ABTB3: variants seen among roughly 807,000 people sequenced by gnomAD.
ABTB3 encodes the protein ankyrin repeat- and BTB/POZ domain-containing protein 3.
At chr12:107,375,457 TC>T in the ABTB3 span, among the ~76,000 whole-genome samples, 1 of 151,516 alleles carries the variant, frequency 6.6e-6, no homozygotes, top group African/African-American at 2.4e-5. Flanking sequence ...ATCATCATCA[TC>T]ATCATCATAA....
At chr12:107,430,722 A>G in the ABTB3 span, among the ~76,000 whole-genome samples, 1 of 152,356 alleles carries the variant, frequency 6.6e-6, no homozygotes, top group African/African-American at 2.4e-5. Context: ...ACCAGTAAGT[A>G]TGATGTTGAT....
chr12:107,395,344 G>C, the ABTB3 span, among the ~76,000 whole-genome samples: 1 of 152,116 alleles, frequency 6.6e-6, no homozygotes, highest in Non-Finnish European at 1.5e-5. Flanking sequence ...TGGTAACAGT[G>C]GGTGCAGCCT....
chr12:107,450,771 C>T, the ABTB3 span, among the ~76,000 whole-genome samples: 1 of 152,064 alleles, frequency 6.6e-6, no homozygotes, highest in South Asian at 2.1e-4. Flanking sequence ...AACTTCAGCC[C>T]CTGCTTTGGG....
the ABTB3 span, among the ~76,000 whole-genome samples, chr12:107,416,240 A>G: frequency 6.6e-6 from 1 of 152,136 alleles, no homozygotes; most frequent in African/African-American, 2.4e-5. Context: ...TCCTTGTGCA[A>G]TTTTGAAGCA....
At chr12:107,345,986 T>C in the ABTB3 span, among the ~76,000 whole-genome samples, 1 of 152,216 alleles carries the variant, frequency 6.6e-6, no homozygotes, top group African/African-American at 2.4e-5. Flanking sequence ...TTTAGCCTTG[T>C]TGCACCAGTG....
the ABTB3 span, among the ~76,000 whole-genome samples, chr12:107,353,248 C>T: frequency 6.6e-6 from 1 of 150,986 alleles, no homozygotes; most frequent in Non-Finnish European, 1.5e-5. Context: ...GGCTCTGAGC[C>T]CAGCATGGTG....
At chr12:107,629,121 T>G in the ABTB3 span, among the ~76,000 whole-genome samples, 50 of 152,236 alleles carry the variant, frequency 3.3e-4, 4 homozygotes, top group South Asian at 7.3e-3. Flanking sequence ...ACTATGCTAT[T>G]AAGAATTTTG....
chr12:107,398,137 A>G, the ABTB3 span, among the ~76,000 whole-genome samples: 2 of 151,992 alleles, frequency 1.3e-5, no homozygotes, highest in Admixed American at 6.6e-5. Context: ...CAGCCTGGCC[A>G]CCTTGCACAG....
the ABTB3 span, among the ~76,000 whole-genome samples, chr12:107,600,102 G>A: frequency 6.6e-6 from 1 of 152,158 alleles, no homozygotes; most frequent in Admixed American, 6.5e-5. Flanking sequence ...ACTCCTCTGA[G>A]TCTCTGTTTC....
the ABTB3 span, among the ~76,000 whole-genome samples, chr12:107,360,916 G>T: frequency 7.8e-6 from 1 of 128,274 alleles, no homozygotes; most frequent in African/African-American, 3.0e-5. Context: ...ACCATGCCCA[G>T]CTAATTTAAT....
chr12:107,359,398 C>T, the ABTB3 span, among the ~76,000 whole-genome samples: 2 of 152,314 alleles, frequency 1.3e-5, no homozygotes, highest in Admixed American at 6.5e-5. Context: ...TGCTCCCTTT[C>T]CAGTCTTGCC....
the ABTB3 span, chr12:107,635,408 G>T: frequency 6.2e-7 from 1 of 1,605,422 alleles, no homozygotes; most frequent in Non-Finnish European, 8.5e-7. Context: ...GTTCCCCCAG[G>T]CCTGTGTTGG....
the ABTB3 span, among the ~76,000 whole-genome samples, chr12:107,350,478 A>C: frequency 6.6e-6 from 1 of 151,800 alleles, no homozygotes; most frequent in African/African-American, 2.4e-5. Flanking sequence ...GCATGAACCC[A>C]GGAGGCGGAG....
the ABTB3 span, among the ~76,000 whole-genome samples, chr12:107,331,871 G>A: frequency 6.6e-6 from 1 of 152,228 alleles, no homozygotes; most frequent in Admixed American, 6.5e-5. Flanking sequence ...CATGGTGGAT[G>A]GAGGGCAGGG....
the ABTB3 span, among the ~76,000 whole-genome samples, chr12:107,526,137 G>T: frequency 2.0e-5 from 3 of 152,280 alleles, no homozygotes; most frequent in East Asian, 5.8e-4. Flanking sequence ...AGAAAATGCT[G>T]CAAGTGAGTA....
the ABTB3 span, chr12:107,319,848 C>A: frequency 1.6e-6 from 2 of 1,229,220 alleles, no homozygotes; most frequent in Non-Finnish European, 2.1e-6. Flanking sequence ...GCCTGCAGCG[C>A]AGCCAGCAGC....
chr12:107,573,502 A>G, the ABTB3 span, among the ~76,000 whole-genome samples: 133 of 152,186 alleles, frequency 8.7e-4, 1 homozygote, highest in African/African-American at 3.1e-3. Flanking sequence ...GGATGGATGG[A>G]TGGATGGATA....
chr12:107,427,963 C>T, the ABTB3 span, among the ~76,000 whole-genome samples: 4 of 152,304 alleles, frequency 2.6e-5, no homozygotes, highest in East Asian at 7.7e-4. Context: ...CCTTTGCACA[C>T]AAGTCAGAAT....
the ABTB3 span, among the ~76,000 whole-genome samples, chr12:107,558,209 G>A: frequency 1.3e-5 from 2 of 152,214 alleles, no homozygotes; most frequent in East Asian, 1.9e-4. Context: ...TGGCTTGGGG[G>A]CTGGACTGCC....
Sources: gnomAD v4.1 joint callset for allele counts (sites outside exome capture counted in the v4.1 genomes callset) on GRCh38, gnomAD v4.1.1 for gene constraint, MANE v1.5 for transcripts, NCBI Gene and HGNC (gene_info 2026-07-23, HGNC 2026-07-21) for gene names.